CCDC85A: variants seen among roughly 807,000 people sequenced by gnomAD.
CCDC85A encodes coiled-coil domain-containing protein 85A.
A neutral mutation model predicts 50.2 loss-of-function variants in CCDC85A; 38 were observed. That is an observed-to-expected ratio of 0.76 (90% confidence interval 0.58 to 0.99). CCDC85A has a LOEUF of 0.99. Ranked by LOEUF, CCDC85A falls within the 50% of genes least tolerant of loss-of-function variation. The pLI is 0.00. For synonymous variants in CCDC85A, 366 were observed against 301.4 expected (o/e 1.21, Z -2.22); for missense variants, 820 against 742.0 (o/e 1.11, Z -1.22).
intron 2 of CCDC85A, among the ~76,000 whole-genome samples, chr2:56,251,504 C>T (rs1669755367): frequency 6.6e-6 from 1 of 151,978 alleles, no homozygotes; most frequent in African/African-American, 2.4e-5. Flanking sequence ...GTTTCTTTTT[C>T]CTTCTCTATT....
intron 2 of CCDC85A, among the ~76,000 whole-genome samples, chr2:56,280,279 A>G (rs1009743659): frequency 6.6e-6 from 1 of 152,160 alleles, no homozygotes; most frequent in African/African-American, 2.4e-5. Flanking sequence ...CAGCTCAGCT[A>G]GAGTCATTAC....
chr2:56,371,559 G>A (rs1400601778), intron 3 of CCDC85A, among the ~76,000 whole-genome samples: 1 of 151,800 alleles, frequency 6.6e-6, no homozygotes, highest in East Asian at 1.9e-4. Flanking sequence ...TATATTCTTA[G>A]TTATAGGTCT....
At chr2:56,318,187 C>G (rs1673006042) in intron 2 of CCDC85A, among the ~76,000 whole-genome samples, 2 of 152,050 alleles carry the variant, frequency 1.3e-5, no homozygotes, top group African/African-American at 2.4e-5. Flanking sequence ...ATTCTTCTTT[C>G]TTATTGTGTT....
At chr2:56,308,693 G>A (rs1553409293) in intron 2 of CCDC85A, among the ~76,000 whole-genome samples, 2 of 152,166 alleles carry the variant, frequency 1.3e-5, no homozygotes, top group Non-Finnish European at 2.9e-5. Context: ...AATGGCATTT[G>A]TTTATGAGGA....
chr2:56,288,610 G>A (rs1243795777), intron 2 of CCDC85A, among the ~76,000 whole-genome samples: 2 of 151,940 alleles, frequency 1.3e-5, no homozygotes, highest in East Asian at 1.9e-4. Flanking sequence ...TTCCAGAACC[G>A]AGTTTAGTGG....
intron 3 of CCDC85A, among the ~76,000 whole-genome samples, chr2:56,358,507 CT>C (rs564258373): frequency 1.3e-5 from 2 of 152,216 alleles, no homozygotes; most frequent in South Asian, 4.1e-4. Flanking sequence ...GGTTGGCAAA[CT>C]TTTTTAGCAA....
intron 2 of CCDC85A, among the ~76,000 whole-genome samples, chr2:56,304,798 C>T (rs1188505606): frequency 1.3e-5 from 2 of 151,888 alleles, no homozygotes; most frequent in Non-Finnish European, 2.9e-5. Flanking sequence ...CCTGCAATCC[C>T]AGCACTTTGG....
At chr2:56,331,068 T>C (rs369775487) in intron 2 of CCDC85A, among the ~76,000 whole-genome samples, 1 of 152,172 alleles carries the variant, frequency 6.6e-6, no homozygotes, top group Admixed American at 6.5e-5. Flanking sequence ...TGAAATCATG[T>C]CTTTTGCAGC....
chr2:56,378,850 A>G (rs1281973914), intron 5 of CCDC85A, among the ~76,000 whole-genome samples: 1 of 152,170 alleles, frequency 6.6e-6, no homozygotes, highest in Non-Finnish European at 1.5e-5. Flanking sequence ...GCAGTGTTGC[A>G]GTTGGTGTGG....
At chr2:56,344,311 T>C (rs1441324369) in intron 3 of CCDC85A, among the ~76,000 whole-genome samples, 1 of 152,190 alleles carries the variant, frequency 6.6e-6, no homozygotes, top group Non-Finnish European at 1.5e-5. Context: ...GCTGTGACCA[T>C]TGGTCTGATC....
intron 2 of CCDC85A, among the ~76,000 whole-genome samples, chr2:56,271,966 T>G (rs956265853): frequency 6.6e-6 from 1 of 152,164 alleles, no homozygotes; most frequent in East Asian, 1.9e-4. Flanking sequence ...TGCCTAAAGA[T>G]GGAACACCCT....
chr2:56,266,577 CG>C lies in CCDC85A; in HGVS notation c.1240+73138del, dbSNP rs1283455109. ...ATATAATTGTCAATTAACAATAACG[CG>C]CCCCCCCCCCCCATAATCTTCTTCC... On this transcript the variant is annotated intron_variant, in intron 2 of 5. Transcript: ENST00000407595. 3.4e-4 allele frequency among the ~76,000 whole-genome samples: 23 copies of C among 68,448 alleles called. 2 individuals carry two copies. The highest frequency in any genetic ancestry group is 1.0e-3 in the South Asian group (1 of 956). 44.9% of individuals were successfully genotyped at this position (68,448 alleles called of 152,430 possible).
At chr2:56,231,123 C>T (rs1242293943) in intron 2 of CCDC85A, among the ~76,000 whole-genome samples, 1 of 152,030 alleles carries the variant, frequency 6.6e-6, no homozygotes, top group East Asian at 1.9e-4. Flanking sequence ...AATTCTGACT[C>T]TGTAGGATCT....
chr2:56,236,922 C>T (rs1669044047), intron 2 of CCDC85A, among the ~76,000 whole-genome samples: 1 of 152,266 alleles, frequency 6.6e-6, no homozygotes, highest in East Asian at 1.9e-4. Context: ...CAAGGTAGGG[C>T]CCCTTCCCTG....
intron 2 of CCDC85A, among the ~76,000 whole-genome samples, chr2:56,263,685 CCTT>C (rs1365002042): frequency 6.6e-6 from 1 of 152,166 alleles, no homozygotes; most frequent in African/African-American, 2.4e-5. Flanking sequence ...ACTTGAGCAG[CCTT>C]CTTCCTATAG....
At chr2:56,322,551 C>T (rs961690249) in intron 2 of CCDC85A, among the ~76,000 whole-genome samples, 8 of 152,164 alleles carry the variant, frequency 5.3e-5, no homozygotes, top group Admixed American at 4.6e-4. Flanking sequence ...AAATGCTCAT[C>T]ATCACGGGCC....
intron 1 of CCDC85A, among the ~76,000 whole-genome samples, chr2:56,187,212 G>A (rs565693436): frequency 6.6e-6 from 1 of 152,148 alleles, no homozygotes; most frequent in Admixed American, 6.5e-5. Flanking sequence ...TTAAGGGCGT[G>A]GGGGAGCGTC....
rs113307681 is a variant in CCDC85A at position 56,304,815 on chromosome 2, A to G, written c.1241-38064A>G. Among the ~76,000 whole-genome samples the G allele has an allele frequency of 2.8e-3, 421 of 152,070 alleles. 2 individuals carry two copies. Among genetic ancestry groups the G allele is most frequent in the African/African-American group, 8.8e-3 (367 of 41,502 alleles). On this transcript the variant is annotated intron_variant, in intron 2 of 5. Transcript: ENST00000407595. ...TGCAATCCCAGCACTTTGGGGGGCC[A>G]GGGCGGGCGGATCACCTGAGGTCAG... is the stretch of plus-strand genomic sequence containing the variant.
chr2:56,264,364 C>T (rs1670347012), intron 2 of CCDC85A, among the ~76,000 whole-genome samples: 1 of 152,144 alleles, frequency 6.6e-6, no homozygotes, highest in Non-Finnish European at 1.5e-5. Flanking sequence ...TGGCTGCCTG[C>T]CCTGTCTTAA....
Sources: allele counts gnomAD v4.1 joint callset (sites outside exome capture counted in the v4.1 genomes callset), GRCh38; gene constraint gnomAD v4.1.1; transcripts MANE v1.5; gene names NCBI Gene and HGNC (gene_info 2026-07-23, HGNC 2026-07-21).